The following NAV2 variants were observed in gnomAD, a reference collection of about 807,000 sequenced individuals.
NAV2 encodes the protein helicase, APC down-regulated 1.
A neutral mutation model predicts 223.2 loss-of-function variants in NAV2; 54 were observed. That is an observed-to-expected ratio of 0.24 (90% CI 0.19 to 0.30). The LOEUF (loss-of-function observed/expected upper bound fraction) is 0.30, where lower values mean the gene tolerates loss of function less well. Ranked by LOEUF, NAV2 falls within the 10% of genes least tolerant of loss-of-function variation. The pLI, the probability that NAV2 is intolerant of heterozygous loss-of-function variation, is 1.00. For missense variants in NAV2, 2,806 were observed against 3,147.5 expected (o/e 0.89, Z 2.60); for synonymous variants, 1,279 against 1,239.3 (o/e 1.03, Z -0.67).
At chr11:19,626,455 A>G (rs1379979150) in intron 1 of NAV2, among the ~76,000 whole-genome samples, 1 of 152,102 alleles carries the variant, frequency 6.6e-6, no homozygotes, top group African/African-American at 2.4e-5. Flanking sequence ...TTGAAGTTTG[A>G]TAGTATGATG....
At chr11:19,830,626 A>G (rs2059878703) in intron 1 of NAV2, among the ~76,000 whole-genome samples, 1 of 152,130 alleles carries the variant, frequency 6.6e-6, no homozygotes. Context: ...TGCATAAGGC[A>G]CTCTTTCAAA....
chr11:19,677,319 C>G (rs2048743644), intron 1 of NAV2, among the ~76,000 whole-genome samples: 1 of 152,232 alleles, frequency 6.6e-6, no homozygotes, highest in Non-Finnish European at 1.5e-5. Context: ...TGGCCGAGCC[C>G]AGGGTGACAG....
rs188469328 is a variant in NAV2 at position 19,582,621 on chromosome 11, G to A, written c.75+231594G>A. 9.7e-3 allele frequency among the ~76,000 whole-genome samples: 1,474 copies of A among 152,270 alleles called. 37 individuals carry two copies. The highest frequency in any genetic ancestry group is 0.034 in the African/African-American group (1,409 of 41,528). On this transcript the variant is annotated intron_variant, in intron 1 of 37. Transcript: ENST00000360655. The stretch of plus-strand genomic sequence containing the variant: ...TTCCCAGCACCATTTATTAAATAGG[G>A]AATCCTTTTGCCATTTCTAGTTTTT...
At chr11:19,549,494 G>T (rs916452715) in intron 1 of NAV2, among the ~76,000 whole-genome samples, 1 of 152,208 alleles carries the variant, frequency 6.6e-6, no homozygotes, top group Non-Finnish European at 1.5e-5. Flanking sequence ...GACACTGGCC[G>T]GAAGGAGATA....
At chr11:19,366,648 A>T (rs139303340) in intron 1 of NAV2, among the ~76,000 whole-genome samples, 1 of 152,212 alleles carries the variant, frequency 6.6e-6, no homozygotes, top group Non-Finnish European at 1.5e-5. Flanking sequence ...TCCAACTCTT[A>T]CAGTGGAACC....
In NAV2 at chr11:19,795,050, A is replaced by G. The variant is rs192202867; in HGVS notation, c.268-37434A>G. 2.9e-3 allele frequency among the ~76,000 whole-genome samples: 445 copies of G among 152,310 alleles called. 2 individuals are homozygous for G. Among genetic ancestry groups the G allele is most frequent in the Middle Eastern group, 6.8e-3 (2 of 294 alleles). On this transcript the variant is annotated intron_variant, in intron 1 of 37. Transcript: ENST00000349880. ...TACTCAGTGGCTTCCTTTCCCAGGTACAGGAGTGCAGGCAAACAAGGTTGA... is the reference window on the plus strand; with the variant it reads ...TACTCAGTGGCTTCCTTTCCCAGGTGCAGGAGTGCAGGCAAACAAGGTTGA...
Position 20,038,544 on chromosome 11 carries a change from A to G in NAV2, c.2907+2447A>G, listed in dbSNP as rs570349432. 7.2e-5 allele frequency among the ~76,000 whole-genome samples: 11 copies of G among 152,346 alleles called. No homozygotes were observed. The South Asian group carries it at 8.3e-4, about 11-fold the overall frequency. The stretch of plus-strand genomic sequence containing the variant: ...GAATCAGCATAATTCACAGGCTCCC[A>G]TCCTCCTCCCTCATATCACGCTGAG... On this transcript the variant is annotated intron_variant, in intron 12 of 37. Coordinates refer to ENST00000349880, the MANE Select transcript of NAV2 (RefSeq NM_145117.5).
chr11:20,096,994 C>T (rs952113551), intron 30 of NAV2, among the ~76,000 whole-genome samples: 8 of 152,304 alleles, frequency 5.3e-5, no homozygotes, highest in East Asian at 1.9e-4. Flanking sequence ...CCTAAGTCAT[C>T]GTGCAGTCAC....
intron 1 of NAV2, among the ~76,000 whole-genome samples, chr11:19,793,968 C>A (rs562711871): frequency 6.6e-6 from 1 of 152,286 alleles, no homozygotes; most frequent in East Asian, 1.9e-4. Flanking sequence ...CAGTCCCTAC[C>A]TCATGTCTAC....
intron 1 of NAV2, among the ~76,000 whole-genome samples, chr11:19,436,149 C>A (rs1167928320): frequency 6.6e-6 from 1 of 152,094 alleles, no homozygotes; most frequent in Non-Finnish European, 1.5e-5. Flanking sequence ...CCCAGACAAG[C>A]ATCATAGAGC....
intron 3 of NAV2, among the ~76,000 whole-genome samples, chr11:19,856,633 CT>C (rs1444032714): frequency 1.3e-5 from 2 of 152,102 alleles, no homozygotes; most frequent in African/African-American, 2.4e-5. Flanking sequence ...CCACTGATTG[CT>C]GGCAGAATTT....
At chr11:19,682,524 G>A (rs1255527354) in intron 1 of NAV2, among the ~76,000 whole-genome samples, 1 of 152,186 alleles carries the variant, frequency 6.6e-6, no homozygotes. Flanking sequence ...CATTTGTGTC[G>A]CTATAAAGAA....
At chr11:19,860,570 C>T (rs1436358218) in intron 3 of NAV2, among the ~76,000 whole-genome samples, 125 of 151,144 alleles carry the variant, frequency 8.3e-4, no homozygotes, top group African/African-American at 2.4e-3. Context: ...CAGAGGGGCT[C>T]CTCACATCCC....
At chr11:19,894,930 A>G (rs1014433948) in intron 6 of NAV2, among the ~76,000 whole-genome samples, 25 of 151,886 alleles carry the variant, frequency 1.6e-4, no homozygotes, top group African/African-American at 6.0e-4. Flanking sequence ...GGGTTTCACC[A>G]TGTTGGTCAG....
chr11:19,647,239 G>A (rs1348779670), intron 1 of NAV2, among the ~76,000 whole-genome samples: 1 of 152,118 alleles, frequency 6.6e-6, no homozygotes, highest in Non-Finnish European at 1.5e-5. Flanking sequence ...GATCTCCCAG[G>A]CTGATGGGTT....
chr11:19,750,822 T>A (rs928796254), intron 1 of NAV2, among the ~76,000 whole-genome samples: 10 of 152,156 alleles, frequency 6.6e-5, no homozygotes, highest in African/African-American at 2.4e-4. Context: ...GAATTCAGGA[T>A]CCTTATTGAG....
At chr11:20,042,441 T>C (rs945193076) in intron 12 of NAV2, among the ~76,000 whole-genome samples, 1 of 152,150 alleles carries the variant, frequency 6.6e-6, no homozygotes, top group Non-Finnish European at 1.5e-5. Flanking sequence ...AATGATGAGC[T>C]TCTCATAGCC....
intron 11 of NAV2, among the ~76,000 whole-genome samples, chr11:20,020,721 T>A (rs1024989099): frequency 4.6e-5 from 7 of 152,188 alleles, no homozygotes; most frequent in African/African-American, 1.7e-4. Context: ...TACATGAACT[T>A]TTATAAAAAG....
intron 1 of NAV2, among the ~76,000 whole-genome samples, chr11:19,546,029 T>A (rs945628242): frequency 4.5e-4 from 68 of 152,280 alleles, no homozygotes; most frequent in African/African-American, 1.5e-3. Flanking sequence ...GGTCTCTTCC[T>A]CCACTGATGA....
Sources: allele counts gnomAD v4.1 joint callset (sites outside exome capture counted in the v4.1 genomes callset), GRCh38; gene constraint gnomAD v4.1.1; transcripts MANE v1.5; gene names NCBI Gene and HGNC (gene_info 2026-07-23, HGNC 2026-07-21).